The following VILL variants were observed in gnomAD, a reference collection of about 807,000 sequenced individuals.
VILL encodes villin like.
VILL carries 102 observed loss-of-function variants against 106.3 expected under a neutral mutation model. That is an observed-to-expected ratio of 0.96 (90% CI 0.82 to 1.13). The LOEUF (loss-of-function observed/expected upper bound fraction) is 1.13, where lower values mean the gene tolerates loss of function less well. VILL is among the 50% of genes most tolerant of loss of function. VILL has a pLI of 0.00. For missense variants in VILL, 1,076 were observed against 1,116.6 expected (o/e 0.96, Z 0.52); for synonymous variants, 431 against 440.3 (o/e 0.98, Z 0.27).
At chr3:38,002,373 C>G in intron 13 of VILL, 23 bp from the exon 14 acceptor site, 1 of 1,581,070 alleles carries the variant, frequency 6.3e-7, no homozygotes, top group South Asian at 1.1e-5. Flanking sequence ...CCTTGCCCAG[C>G]CTGAGGCCTT....
At chr3:37,988,987 A>G (rs552217856), upstream of VILL, among the ~76,000 whole-genome samples, 5 of 152,326 alleles carry the variant, frequency 3.3e-5, no homozygotes, top group South Asian at 6.2e-4. Context: ...ATCTTAGGAA[A>G]AAAGATCCCT....
At chr3:38,003,603 C>T in intron 15 of VILL, 1 of 421,820 alleles carries the variant, frequency 2.4e-6, no homozygotes, top group South Asian at 2.6e-5. Flanking sequence ...AGCACCCTTC[C>T]CCACCCTACA....
chr3:38,001,745 A>G lies in VILL; in HGVS notation c.1364A>G (p.Asn455Ser), dbSNP rs1258311892. Reference sequence around the variant, plus strand: ...GATGAGATTGAGGCCCTGAACAGCAACGCTGAGGAACTAGATGTCATGTAT... The same window carrying G: ...GATGAGATTGAGGCCCTGAACAGCAGCGCTGAGGAACTAGATGTCATGTAT... Reference protein sequence around the residue: ...TADEIEALNSNAEELDVMYGG... With the variant: ...TADEIEALNSSAEELDVMYGG... Residue 455 changes from asparagine to serine, a missense_variant, in exon 13 of 20, where the codon AAC becomes AGC. Asn to Ser is a conservative substitution (Grantham distance 46). Transcript: ENST00000383759. 6.2e-7 allele frequency: 1 copy of G among 1,614,114 alleles called. No individual in the cohort carries two copies. Among genetic ancestry groups the G allele is most frequent in the Non-Finnish European group, 8.5e-7 (1 of 1,180,032 alleles).
chr3:37,995,682 C>A (rs563684445), intron 4 of VILL, 57 bp from the exon 5 acceptor site: 3 of 1,403,012 alleles, frequency 2.1e-6, no homozygotes, highest in African/African-American at 1.4e-5. Context: ...ATGCACATGG[C>A]AGTCTGTGTT....
intron 15 of VILL, chr3:38,004,046 G>C: frequency 3.6e-6 from 2 of 552,226 alleles, no homozygotes; most frequent in Non-Finnish European, 6.1e-6. Context: ...CGTCACAGCT[G>C]GGTGGGGCGA....
At chr3:37,989,881 A>C (rs7611147), upstream of VILL, among the ~76,000 whole-genome samples, 29,995 of 152,198 alleles carry the variant, frequency 0.2, 3,328 homozygotes, top group African/African-American at 0.29. Context: ...TGTTAAACAC[A>C]GTCACACACT....
Position 37,998,199 on chromosome 3 carries a change from T to C in VILL, c.843+31T>C, listed in dbSNP as rs755201592. ...GAAGGCCTGGCCCCAGCTACTTGCATCCTTCCCCATCCACAACCCCAGCCC... is the reference window on the plus strand; with the variant it reads ...GAAGGCCTGGCCCCAGCTACTTGCACCCTTCCCCATCCACAACCCCAGCCC... On this transcript the variant is annotated intron_variant, in intron 8 of 19. Coordinates refer to ENST00000383759, the MANE Select transcript of VILL (RefSeq NM_015873.4). The surrounding 1 kb of genome is among the most constrained non-coding windows in gnomAD (Gnocchi z 4.1). 1.2e-5 allele frequency: 19 copies of C among 1,613,902 alleles called. No individual in the cohort carries two copies. Among genetic ancestry groups the C allele is most frequent in the Non-Finnish European group, 1.6e-5 (19 of 1,179,868 alleles).
chr3:37,994,193 A>G (rs375271426), intron 3 of VILL, 68 bp from the exon 4 acceptor site: 237 of 1,535,674 alleles, frequency 1.5e-4, no homozygotes, highest in South Asian at 1.4e-3. Flanking sequence ...CCCTTGGTAC[A>G]TCCTCCCCTT....
chr3:37,996,604 C>A (rs1406585618), intron 5 of VILL, among the ~76,000 whole-genome samples: 1 of 152,176 alleles, frequency 6.6e-6, no homozygotes, highest in East Asian at 1.9e-4. Context: ...CTCTGCATGT[C>A]ACCCACAGAC....
At chr3:38,003,110 G>A in intron 14 of VILL, 58 bp from the exon 15 acceptor site, 3 of 1,587,746 alleles carry the variant, frequency 1.9e-6, no homozygotes, top group South Asian at 2.3e-5. Flanking sequence ...ACGGGACGTG[G>A]GGCCGGAGGT....
At chr3:37,992,297 A>G (rs1699621649) in intron 1 of VILL, among the ~76,000 whole-genome samples, 1 of 152,140 alleles carries the variant, frequency 6.6e-6, no homozygotes, top group Non-Finnish European at 1.5e-5. Flanking sequence ...CCACTGGTGG[A>G]CATCCTGCTT....
rs1418989990 is a variant in VILL at position 38,003,320 on chromosome 3, G to T, written c.1805+7G>T. On this transcript the variant is annotated splice_region_variant and intron_variant, in intron 15 of 19. Transcript: ENST00000383759. The stretch of plus-strand genomic sequence containing the variant: ...CCTACCCCAGCAACAAGAGGTAACA[G>T]GGTTGGGAGGAGAGTGTTCTTACCC... The T allele has an allele frequency of 1.2e-6, 2 of 1,600,886 alleles. No homozygotes were observed. Among genetic ancestry groups the T allele is most frequent in the South Asian group, 1.1e-5 (1 of 89,060 alleles).
chr3:38,000,371 A>G (rs1454558657), intron 11 of VILL, among the ~76,000 whole-genome samples: 2 of 151,728 alleles, frequency 1.3e-5, no homozygotes, highest in African/African-American at 4.8e-5. Context: ...GAGACAGAGA[A>G]GAAAAGACTG....
In VILL at chr3:37,994,284, G is replaced by T. The variant is rs147043663; in HGVS notation, c.159G>T (p.Thr53=). 2 of 1,610,366 alleles carry T rather than the reference G, an allele frequency of 1.2e-6. No homozygotes were observed. The highest frequency in any genetic ancestry group is 2.2e-5 in the South Asian group (2 of 91,000). ...AGGTCCCCCAGAGCCCGAAGGCCAC[G>T]CAGGGGGCGTCCAGCGACCTGCACT... The part of the protein sequence containing the change: ...ILHVPQSPKA[T]QGASSDLHYW... Residue 53 remains threonine, a synonymous_variant, in exon 4 of 20, where the codon ACG becomes ACT. Transcript: ENST00000383759.
rs1699727293 is a variant in VILL, at chr3:37,997,596, T to A, written c.675T>A (p.Ala225=). The A allele has an allele frequency of 6.2e-7, 1 of 1,613,620 alleles. No homozygotes were observed. The highest frequency in any genetic ancestry group is 1.7e-5 in the Admixed American group (1 of 60,016). The part of the protein sequence containing the change: ...KAPDLMQIME[A]VLGRRVGSLR... ...CGGACCTCATGCAGATCATGGAGGCTGTGCTGGGCCGCAGGGTGGGCAGCC... is the reference window on the plus strand; with the variant it reads ...CGGACCTCATGCAGATCATGGAGGCAGTGCTGGGCCGCAGGGTGGGCAGCC... Residue 225 remains alanine (A), a synonymous_variant, in exon 7 of 20, where the codon GCT becomes GCA. Transcript: ENST00000383759. This position sits in a 1 kb window ranked among gnomAD's most constrained non-coding sequence, Gnocchi z 4.7.
intron 15 of VILL, 21 bp downstream of exon 15, chr3:38,003,334 G>T (rs759037264): frequency 1.3e-6 from 2 of 1,587,744 alleles, no homozygotes; most frequent in East Asian, 4.5e-5. Flanking sequence ...TGGGAGGAGA[G>T]TGTTCTTACC....
Position 38,002,124 on chromosome 3 carries a change from C to T in VILL, c.1479+264C>T. The stretch of plus-strand genomic sequence containing the variant: ...GCTGCACACTAGCAAACCTGGTCCC[C>T]ACTTTCCACCTCCAAGGCCTGAGCA... On this transcript the variant is annotated intron_variant, in intron 13 of 19. Transcript: ENST00000383759. 4 of 651,136 alleles carry T rather than the reference C, an allele frequency of 6.1e-6. No homozygotes were observed. The South Asian group carries it at 7.8e-5, about 13-fold the overall frequency. 40.3% of individuals were successfully genotyped at this position (651,136 alleles called of 1,614,324 possible). A position where few individuals can be genotyped will look rare whatever the true frequency, so the allele number is the denominator to read the frequency against.
intron 11 of VILL, chr3:38,001,008 AGT>A (rs1699803502): frequency 2.2e-6 from 1 of 460,084 alleles, no homozygotes; most frequent in African/African-American, 2.0e-5. Context: ...GATGTGAGAC[AGT>A]GTTTCCCCTT....
rs1699875741 is a variant in VILL at position 38,004,346 on chromosome 3, A to G, written c.1897A>G (p.Ser633Gly). The change falls in exon 16 of 20, where the codon AGC becomes GGC. Residue 633 changes from serine (S) to glycine (G), a missense_variant. Physicochemically the swap from Ser to Gly is moderately conservative, Grantham distance 56 (BLOSUM62 0). Transcript: ENST00000383759. Reference sequence around the variant, plus strand: ...GGTCCTCGCAGAAGTGGGGTTCTTCAGCCAGGAGGACCTGGACAAGTATGA... The same window carrying G: ...GGTCCTCGCAGAAGTGGGGTTCTTCGGCCAGGAGGACCTGGACAAGTATGA... ...CLVLAEVGFF[S>G]QEDLDKYDIM... 2.5e-6 allele frequency: 4 copies of G among 1,613,662 alleles called. No homozygotes were observed. The highest frequency in any genetic ancestry group is 3.4e-6 in the Non-Finnish European group (4 of 1,179,690).
Sources: allele counts gnomAD v4.1 joint callset (sites outside exome capture counted in the v4.1 genomes callset), GRCh38; gene constraint gnomAD v4.1.1; non-coding constraint Gnocchi (gnomAD v3.1); transcripts MANE v1.5; gene names NCBI Gene and HGNC (gene_info 2026-07-23, HGNC 2026-07-21).